Variants in ARHGEF1 observed in about 807,000 individuals in gnomAD.
The protein encoded by ARHGEF1 is Rho guanine nucleotide exchange factor 1.
In ARHGEF1, 40 loss-of-function variants were observed where a neutral mutation model predicts 119.7. The observed-to-expected ratio is 0.33, with a 90% CI of 0.26 to 0.44. ARHGEF1 has a LOEUF of 0.44. Ranked by LOEUF, ARHGEF1 falls within the 20% of genes least tolerant of loss-of-function variation. The probability of loss-of-function intolerance (pLI) is 1.00; values close to 1 mark genes in which losing one functional copy is unlikely to be tolerated. For missense variants in ARHGEF1, 976 were observed against 1,268.3 expected (o/e 0.77, Z 3.50); for synonymous variants, 494 against 521.0 (o/e 0.95, Z 0.71).
chr19:41,896,992 CTGGGTTT>C, intron 13 of ARHGEF1: 1 of 431,002 alleles, frequency 2.3e-6, no homozygotes, highest in South Asian at 1.6e-5. Context: ...CCTCTCTCAC[CTGGGTTT>C]TCTTTCCCCA....
Position 41,893,117 on chromosome 19 carries a change from C to G in ARHGEF1, c.615-157C>G, listed in dbSNP as rs1339434165. 7.4e-6 allele frequency: 8 copies of G among 1,085,704 alleles called. No homozygotes were observed. The African/African-American group carries it at 1.1e-4, about 15-fold the overall frequency. 67.3% of individuals were successfully genotyped at this position (1,085,704 alleles called of 1,614,324 possible). A position where few individuals can be genotyped will look rare whatever the true frequency, so the allele number is the denominator to read the frequency against. ...TCCTCCTGGATGAGAGACCTCCCTC[C>G]CTCTTATGACAGTCCTTCCCAATCC... On this transcript the variant is annotated intron_variant, in intron 7 of 28. Transcript: ENST00000354532.
At chr19:41,893,126 A>G (rs1332698514) in intron 7 of ARHGEF1, 148 bp from the exon 8 acceptor site, 3 of 1,162,884 alleles carry the variant, frequency 2.6e-6, no homozygotes, top group African/African-American at 1.5e-5. Context: ...CCCTCTTATG[A>G]CAGTCCTTCC....
downstream of ARHGEF1, chr19:41,909,924 G>A: frequency 6.2e-7 from 1 of 1,613,870 alleles, no homozygotes; most frequent in African/African-American, 1.3e-5. This position sits in a 1 kb window ranked among gnomAD's most constrained non-coding sequence, Gnocchi z 5.2. Flanking sequence ...ATACCCCACA[G>A]CCGGGCCACC....
At chr19:41,910,821 G>A (rs751891399), downstream of ARHGEF1, among the ~76,000 whole-genome samples, 21 of 152,098 alleles carry the variant, frequency 1.4e-4, 1 homozygote, top group Non-Finnish European at 1.5e-4. This position sits in a 1 kb window ranked among gnomAD's most constrained non-coding sequence, Gnocchi z 4.4. Context: ...CAGGCACACC[G>A]GAGTGCCACA....
At position 41,905,834 on chromosome 19, in the gene ARHGEF1, C is replaced by T; in HGVS notation, c.2404+7C>T. On this transcript the variant is annotated splice_region_variant and intron_variant, in intron 25 of 28. Transcript: ENST00000354532. This position sits in a 1 kb window ranked among gnomAD's most constrained non-coding sequence, Gnocchi z 6.4. ...GAGACGTCTCCAGCTGATGGTGAGA[C>T]CAGAGGGATGCTGGGTGAGGGGCCA... 6.2e-7 allele frequency: 1 copy of T among 1,614,130 alleles called. No individual in the cohort carries two copies. The highest frequency in any genetic ancestry group is 8.5e-7 in the Non-Finnish European group (1 of 1,179,990).
intron 11 of ARHGEF1, among the ~76,000 whole-genome samples, chr19:41,894,922 G>A (rs1283186688): frequency 9.0e-6 from 1 of 110,614 alleles, no homozygotes; most frequent in Admixed American, 7.6e-5. Flanking sequence ...GAGGGAGGAG[G>A]GGCTGGGGGA....
Position 41,892,806 on chromosome 19 carries a change from C to G in ARHGEF1, c.571C>G (p.Arg191Gly). 6.3e-7 allele frequency: 1 copy of G among 1,588,212 alleles called. No individual in the cohort carries two copies. ...RDRASYEARE[R>G]HVAERLLMHL... is the part of the protein sequence containing the mutation. ...CCGAGCCAGCTACGAGGCCCGGGAG[C>G]GGCACGTGGCGGAGCGGCTGCTCAT... Residue 191 changes from arginine (R) to glycine (G), a missense_variant, in exon 7 of 29, where the codon CGG becomes GGG. By Grantham distance (125) the Arg-to-Gly change is moderately radical. Around this residue, in one of 3 missense-constraint regions of ARHGEF1, gnomAD observed 519 missense variants for 580.9 expected, o/e 0.89. Coordinates refer to ENST00000354532, the MANE Select transcript of ARHGEF1 (RefSeq NM_004706.4). The surrounding 1 kb of genome is among the most constrained non-coding windows in gnomAD (Gnocchi z 6.3).
chr19:41,897,516 C>G, intron 13 of ARHGEF1: 1 of 299,122 alleles, frequency 3.3e-6, no homozygotes, highest in South Asian at 2.9e-5. Context: ...GTTGCCATCC[C>G]CCTGCCTCAG....
chr19:41,892,659 G>A lies in ARHGEF1; in HGVS notation c.424G>A (p.Val142Met). The change falls in exon 7 of 29, where the codon GTG becomes ATG. Residue 142 changes from valine (V) to methionine (M), a missense_variant. By Grantham distance (21) the Val-to-Met change is conservative. Around this residue, in one of 3 missense-constraint regions of ARHGEF1, gnomAD observed 519 missense variants for 580.9 expected, o/e 0.89. Coordinates refer to ENST00000354532, the MANE Select transcript of ARHGEF1 (RefSeq NM_004706.4). This position sits in a 1 kb window ranked among gnomAD's most constrained non-coding sequence, Gnocchi z 6.3. ...TGTCCAGCGGCGGTTCGTGCAGGAG[G>A]TGGTGCAAAGCCAGCAGGTAGCCGT... ...EDVQRRFVQEVVQSQQVAVGR... is the reference protein window; with the variant it reads ...EDVQRRFVQEMVQSQQVAVGR... The A allele has an allele frequency of 1.2e-6, 2 of 1,613,578 alleles. No individual in the cohort carries two copies. Among genetic ancestry groups the A allele is most frequent in the Non-Finnish European group, 8.5e-7 (1 of 1,179,772 alleles).
upstream of ARHGEF1, among the ~76,000 whole-genome samples, chr19:41,922,175 C>T (rs527807689): frequency 8.5e-5 from 13 of 152,152 alleles, no homozygotes; most frequent in South Asian, 1.7e-3. Context: ...TCCTTCTAGA[C>T]GGCAACCACC....
At chr19:41,894,017 C>T (rs2074428673) in intron 8 of ARHGEF1, among the ~76,000 whole-genome samples, 190 bp from the exon 9 acceptor site, 1 of 150,896 alleles carries the variant, frequency 6.6e-6, no homozygotes, top group African/African-American at 2.5e-5. Flanking sequence ...ACAGCCCTTG[C>T]CCCTGTCCTT....
chr19:41,918,498 TCACA>T (rs782457979), upstream of ARHGEF1, among the ~76,000 whole-genome samples: 2 of 101,922 alleles, frequency 2.0e-5, no homozygotes, highest in Non-Finnish European at 4.1e-5. Flanking sequence ...CACACACACA[TCACA>T]CACACACCAC....
intron 18 of ARHGEF1, among the ~76,000 whole-genome samples, chr19:41,914,967 TCC>T: frequency 1.8e-5 from 1 of 56,870 alleles, no homozygotes; most frequent in South Asian, 7.0e-4. Context: ...TCTCTGTCTC[TCC>T]CTCCCTCCCC....
rs1343057037 is a variant in ARHGEF1, at chr19:41,892,624, T to C, written c.389T>C (p.Ile130Thr). 2 of 1,608,666 alleles carry C rather than the reference T, an allele frequency of 1.2e-6. No individual in the cohort carries two copies. The highest frequency in any genetic ancestry group is 1.7e-6 in the Non-Finnish European group (2 of 1,176,666). The change falls in exon 7 of 29, where the codon ATC becomes ACC. Residue 130 changes from isoleucine (I) to threonine (T), a missense_variant. Coordinates refer to ENST00000354532, the MANE Select transcript of ARHGEF1 (RefSeq NM_004706.4). The surrounding 1 kb of genome is among the most constrained non-coding windows in gnomAD (Gnocchi z 6.3). ...FELDRTRADL[I>T]SEDVQRRFVQ... ...GCAGACCGCACTAGGGCTGACCTCA[T>C]CTCCGAGGATGTCCAGCGGCGGTTC...
downstream of ARHGEF1, chr19:41,909,100 A>T: frequency 8.1e-7 from 1 of 1,231,522 alleles, no homozygotes; most frequent in East Asian, 3.2e-5. This position sits in a 1 kb window ranked among gnomAD's most constrained non-coding sequence, Gnocchi z 5.2. Flanking sequence ...GACGCAATTT[A>T]TCTGTCTCGG....
chr19:41,903,773 A>T lies in ARHGEF1; in HGVS notation c.1906A>T (p.Ser636Cys). 1 of 1,613,002 alleles carries T rather than the reference A, an allele frequency of 6.2e-7. No individual in the cohort carries two copies. Among genetic ancestry groups the T allele is most frequent in the South Asian group, 1.1e-5 (1 of 91,084 alleles). Residue 636 changes from serine (S) to cysteine (C), a missense_variant, in exon 20 of 29, where the codon AGC (serine) becomes TGC (cysteine). Physicochemically the swap from Ser to Cys is moderately radical, Grantham distance 112. Coordinates refer to ENST00000354532, the MANE Select transcript of ARHGEF1 (RefSeq NM_004706.4). This position sits in a 1 kb window ranked among gnomAD's most constrained non-coding sequence, Gnocchi z 4.2. Reference protein sequence around the residue: ...HLRQSSDPMLSEFKNLDITKK... With the variant: ...HLRQSSDPMLCEFKNLDITKK... ...TCGGCAGAGCAGCGACCCTATGCTG[A>T]GCGAGTTCAAGGTGTGACCATACCC... is the stretch of plus-strand genomic sequence containing the variant.
At chr19:41,900,745 CAGCGAAA>C (rs2074587389) in intron 14 of ARHGEF1, 1 of 150,044 alleles carries the variant, frequency 6.7e-6, no homozygotes, top group East Asian at 2.0e-4. Context: ...CCAGCTGCCA[CAGCGAAA>C]AGGGAAAGGC....
In ARHGEF1 at chr19:41,905,993, A is replaced by G; in HGVS notation, c.2459A>G (p.Glu820Gly). 1.2e-6 allele frequency: 2 copies of G among 1,614,014 alleles called. No homozygotes were observed. The highest frequency in any genetic ancestry group is 1.7e-6 in the Non-Finnish European group (2 of 1,180,000). ...DLLPFCRPGP[E>G]GQLAATALRK... ...CTGCCCTTCTGCAGACCAGGCCCCG[A>G]GGGCCAGCTCGCTGCCACGGCCCTT... Residue 820 changes from glutamate (E) to glycine (G), a missense_variant, in exon 26 of 29, where the codon GAG becomes GGG. Around this residue, in one of 3 missense-constraint regions of ARHGEF1, gnomAD observed 171 missense variants for 180.6 expected, o/e 0.95. Coordinates refer to ENST00000354532, the MANE Select transcript of ARHGEF1 (RefSeq NM_004706.4). This position sits in a 1 kb window ranked among gnomAD's most constrained non-coding sequence, Gnocchi z 6.4.
chr19:41,892,328 CAG>C lies in ARHGEF1; in HGVS notation c.325-2_325-1del. 6.2e-7 allele frequency: 1 copy of C among 1,613,942 alleles called. No individual in the cohort carries two copies. The highest frequency in any genetic ancestry group is 8.5e-7 in the Non-Finnish European group (1 of 1,180,028). The stretch of plus-strand genomic sequence containing the variant: ...TCTTCACCCCATTCTCTCTCTTGAG[CAG>C]GTTCTCCGGGTGCCGGTCCCTCCCA... On this transcript the variant is annotated splice_acceptor_variant, in intron 5 of 28. Coordinates refer to ENST00000354532, the MANE Select transcript of ARHGEF1 (RefSeq NM_004706.4). LOFTEE classifies it high-confidence loss of function. The surrounding 1 kb of genome is among the most constrained non-coding windows in gnomAD (Gnocchi z 6.3).
Sources: allele counts gnomAD v4.1 joint callset (sites outside exome capture counted in the v4.1 genomes callset), GRCh38; gene constraint gnomAD v4.1.1; regional missense constraint gnomAD v4.1.1; non-coding constraint Gnocchi (gnomAD v3.1); transcripts MANE v1.5; gene names NCBI Gene and HGNC (gene_info 2026-07-23, HGNC 2026-07-21).